CELA3B: variants seen among roughly 807,000 people sequenced by gnomAD.
The protein encoded by CELA3B is chymotrypsin like elastase 3B.
A neutral mutation model predicts 37.2 loss-of-function variants in CELA3B; 34 were observed. That is an observed-to-expected ratio of 0.91 (90% confidence interval 0.70 to 1.22). The LOEUF (loss-of-function observed/expected upper bound fraction) is 1.22. CELA3B is among the 50% of genes most tolerant of loss of function. CELA3B has a pLI of 0.00. For missense variants in CELA3B, 340 were observed against 363.1 expected (o/e 0.94, Z 0.52); for synonymous variants, 127 against 143.5 (o/e 0.89, Z 0.82).
At chr1:21,987,389 T>G (rs1345481735) in intron 7 of CELA3B, 1 of 174,324 alleles carries the variant, frequency 5.7e-6, no homozygotes, top group African/African-American at 2.5e-5. Context: ...GAGACGGAGG[T>G]TGCAGTTAGT....
downstream of CELA3B, among the ~76,000 whole-genome samples, chr1:21,990,645 C>A (rs1644865747): frequency 1.2e-4 from 1 of 8,194 alleles, no homozygotes; most frequent in Non-Finnish European, 3.3e-4. Flanking sequence ...ACTTGTAATC[C>A]CAGCACTTTG....
intron 4 of CELA3B, among the ~76,000 whole-genome samples, chr1:21,996,181 C>G (rs146839251): frequency 6.6e-6 from 1 of 151,186 alleles, no homozygotes; most frequent in Non-Finnish European, 1.5e-5. Context: ...CCACTGTACT[C>G]CAGCCTGAGC....
chr1:21,978,278 C>T, intron 1 of CELA3B, 91 bp from the exon 2 acceptor site: 1 of 1,433,616 alleles, frequency 7.0e-7, no homozygotes, highest in Admixed American at 1.7e-5. Flanking sequence ...GTCACACAGC[C>T]ACTTGAAGGC....
Position 21,977,120 on chromosome 1 carries a change from C to G in CELA3B, c.43+38C>G, listed in dbSNP as rs541747009. On this transcript the variant is annotated intron_variant, in intron 1 of 7. Transcript: ENST00000337107. ...CCTGTGTGTGTGCTCCCTGGGCTGC[C>G]CTAGATTAGGAATCCTTGAAATCTA... 2.1e-5 allele frequency: 34 copies of G among 1,613,810 alleles called. No individual in the cohort carries two copies. The Admixed American group carries it at 4.5e-4, about 21-fold the overall frequency.
chr1:21,978,237 A>C, intron 1 of CELA3B, 132 bp from the exon 2 acceptor site: 1 of 762,282 alleles, frequency 1.3e-6, no homozygotes, highest in Non-Finnish European at 2.2e-6. Context: ...GTGGTTACTG[A>C]GGTCCAGAGG....
At chr1:21,985,280 C>CTTTTTTTT (rs550752207) in intron 6 of CELA3B, among the ~76,000 whole-genome samples, 1 of 145,592 alleles carries the variant, frequency 6.9e-6, no homozygotes, top group African/African-American at 2.5e-5. Context: ...AAGATGTTGT[C>CTTTTTTTT]TTTTTTTTTT....
rs142627687 is a variant in CELA3B at position 21,984,194 on chromosome 1, G to A, written c.505G>A (p.Gly169Arg). 42 of 1,613,152 alleles carry A rather than the reference G, an allele frequency of 2.6e-5. No individual in the cohort carries two copies. Among genetic ancestry groups the A allele is most frequent in the African/African-American group, 8.0e-5 (6 of 74,928 alleles). ...GGTGCTTTTTATCGCTGCAGCCAAC[G>A]GGCCACTCCCAGACAAGCTGCAGGA... is the stretch of plus-strand genomic sequence containing the variant. Reference protein sequence around the residue: ...ITGWGRLYTNGPLPDKLQEAL... With the variant: ...ITGWGRLYTNRPLPDKLQEAL... Residue 169 changes from glycine to arginine, a missense_variant, in exon 6 of 8, where the codon GGG becomes AGG. Physicochemically the swap from Gly to Arg is moderately radical, Grantham distance 125 (BLOSUM62 -2). Transcript: ENST00000337107.
At chr1:21,990,251 ATCACGG>A (rs1170591692), downstream of CELA3B, among the ~76,000 whole-genome samples, 1 of 114,554 alleles carries the variant, frequency 8.7e-6, no homozygotes, top group Admixed American at 8.9e-5. Context: ...TCATGAGCAT[ATCACGG>A]TCATTCATTA....
chr1:21,993,094 G>A (rs1224884014), downstream of CELA3B, among the ~76,000 whole-genome samples: 1 of 151,318 alleles, frequency 6.6e-6, no homozygotes, highest in African/African-American at 2.4e-5. Flanking sequence ...ATGCTTTGAT[G>A]TATTTCCGCA....
At chr1:21,992,232 T>C (rs887499719), downstream of CELA3B, among the ~76,000 whole-genome samples, 1 of 151,538 alleles carries the variant, frequency 6.6e-6, no homozygotes, top group Admixed American at 6.6e-5. Flanking sequence ...AGACTTGACA[T>C]TTAAATGCAT....
intron 4 of CELA3B, among the ~76,000 whole-genome samples, chr1:21,983,160 G>C (rs1569841194): frequency 6.6e-6 from 1 of 152,160 alleles, no homozygotes; most frequent in African/African-American, 2.4e-5. Context: ...GACCAGCCTG[G>C]CCAACATGGC....
intron 4 of CELA3B, among the ~76,000 whole-genome samples, chr1:21,994,528 T>A (rs1644881411): frequency 6.6e-6 from 1 of 150,496 alleles, no homozygotes; most frequent in Non-Finnish European, 1.5e-5. Context: ...TACTTGAGAT[T>A]TCTGTTTTCT....
At chr1:21,982,264 A>C (rs1644810059) in intron 4 of CELA3B, among the ~76,000 whole-genome samples, 1 of 151,988 alleles carries the variant, frequency 6.6e-6, no homozygotes, top group Non-Finnish European at 1.5e-5. Context: ...TGGTTCTCAA[A>C]ATGTGGTACC....
exon 5 of CELA3B, chr1:21,998,407 G>A (rs1358827257): frequency 6.1e-6 from 2 of 327,114 alleles, no homozygotes; most frequent in South Asian, 5.5e-5. Flanking sequence ...CTCCGTTCTA[G>A]TGGGTCCATT....
intron 4 of CELA3B, among the ~76,000 whole-genome samples, chr1:21,982,361 G>A (rs1181676026): frequency 6.6e-6 from 1 of 152,058 alleles, no homozygotes; most frequent in Admixed American, 6.6e-5. Flanking sequence ...GCCGGAGGCC[G>A]AGGTGGGTGG....
At chr1:21,977,322 A>G (rs1443660066) in intron 1 of CELA3B, among the ~76,000 whole-genome samples, 1 of 152,184 alleles carries the variant, frequency 6.6e-6, no homozygotes, top group Non-Finnish European at 1.5e-5. Flanking sequence ...TGATGGGGGC[A>G]GTAAACAAAG....
At chr1:21,993,461 CAAAA>C (rs58752734), downstream of CELA3B, among the ~76,000 whole-genome samples, 16 of 81,648 alleles carry the variant, frequency 2.0e-4, 1 homozygote, top group African/African-American at 4.7e-4. Flanking sequence ...ACCTCCTCTC[CAAAA>C]AAAAAAAAAA....
In CELA3B at chr1:21,978,130, A is replaced by G; in HGVS notation, c.44-239A>G. Reference sequence around the variant, plus strand: ...TTGTTCTAAGTGTATCAAGCTCTTCAATCCTCCCAATGAAGGAGGCCACAT... The same window carrying G: ...TTGTTCTAAGTGTATCAAGCTCTTCGATCCTCCCAATGAAGGAGGCCACAT... On this transcript the variant is annotated intron_variant, in intron 1 of 7. Coordinates refer to ENST00000337107, the MANE Select transcript of CELA3B (RefSeq NM_007352.4). 3 of 480,840 alleles carry G rather than the reference A, an allele frequency of 6.2e-6. No homozygotes were observed. In the South Asian group the frequency reaches 6.7e-5, roughly 11 times the overall value. The allele number at this position is 480,840 out of a possible 1,614,324, so 29.8% of individuals were successfully genotyped here.
intron 4 of CELA3B, among the ~76,000 whole-genome samples, chr1:21,994,915 T>A (rs1290787096): frequency 1.4e-5 from 2 of 142,762 alleles, no homozygotes; most frequent in Non-Finnish European, 3.0e-5. Flanking sequence ...GGTGGGAGGA[T>A]CGCCTGAGTC....
Sources: allele counts gnomAD v4.1 joint callset (sites outside exome capture counted in the v4.1 genomes callset), GRCh38; gene constraint gnomAD v4.1.1; transcripts MANE v1.5; gene names NCBI Gene and HGNC (gene_info 2026-07-23, HGNC 2026-07-21).